Variants in CD164 observed in about 807,000 individuals in gnomAD.
The protein encoded by CD164 is CD164 molecule, also known as sialomucin core protein 24.
In CD164, 11 loss-of-function variants were observed where a neutral mutation model predicts 24.6. That is an observed-to-expected ratio of 0.45 (90% CI 0.28 to 0.74). CD164 has a LOEUF of 0.74. CD164 is among the 30% of genes least tolerant of loss of function. The pLI is 0.13. For synonymous variants in CD164, 126 were observed against 100.3 expected, an observed-to-expected ratio of 1.26 and a Z score of -1.53; for missense variants, 295 against 243.7, an observed-to-expected ratio of 1.21 and a Z score of -1.40.
At chr6:109,370,043 G>A (rs553827695) in intron 5 of CD164, among the ~76,000 whole-genome samples, 4 of 152,236 alleles carry the variant, frequency 2.6e-5, no homozygotes, top group Admixed American at 2.0e-4. Flanking sequence ...TGAAAAGGAC[G>A]GATATATTAT....
chr6:109,370,383 C>T (rs1771010227), intron 5 of CD164, 28 bp downstream of exon 5: 7 of 1,561,864 alleles, frequency 4.5e-6, no homozygotes, highest in Non-Finnish European at 4.4e-6. Flanking sequence ...CATCCTGCAT[C>T]ATTGCTAATC....
At chr6:109,370,335 A>T in intron 5 of CD164, 76 bp downstream of exon 5, 1 of 1,207,162 alleles carries the variant, frequency 8.3e-7, no homozygotes, top group Non-Finnish European at 1.2e-6. Context: ...AAAGCTGGAA[A>T]ATGATGGCAG....
chr6:109,368,878 A>G lies in CD164; in HGVS notation c.567T>C (p.Ser189=). 6.2e-7 allele frequency: 1 copy of G among 1,613,176 alleles called. No individual in the cohort carries two copies. ...VIFFLYKFCK[S]KERNYHTL is the part of the protein sequence containing the mutation. ...ACAGAGTGTGGTAATTTCGTTCTTTAGATTTGCAGAATTTATAAAGAAAGA... is the reference window on the plus strand; with the variant it reads ...ACAGAGTGTGGTAATTTCGTTCTTTGGATTTGCAGAATTTATAAAGAAAGA... The change falls in exon 6 of 6, where the codon TCT becomes TCC. Residue 189 remains serine, a synonymous_variant. Coordinates refer to ENST00000310786, the MANE Select transcript of CD164 (RefSeq NM_006016.6).
chr6:109,371,981 A>G (rs996423089), intron 4 of CD164: 1 of 152,236 alleles, frequency 6.6e-6, no homozygotes, highest in Admixed American at 6.5e-5. Context: ...GTACTATTTC[A>G]GAAAAAAGGG....
intron 3 of CD164, among the ~76,000 whole-genome samples, chr6:109,377,221 A>G (rs768213459): frequency 2.6e-5 from 4 of 152,268 alleles, no homozygotes; most frequent in African/African-American, 9.6e-5. Flanking sequence ...GTTCAGTTAC[A>G]AAATTCACAT....
intron 4 of CD164, among the ~76,000 whole-genome samples, chr6:109,375,082 T>A (rs1771317690): frequency 6.6e-6 from 1 of 152,234 alleles, no homozygotes; most frequent in African/African-American, 2.4e-5. Context: ...TTCTTATCCA[T>A]GCTGTTGAGG....
In CD164 at chr6:109,368,592, A is replaced by G; in HGVS notation, c.*259T>C. ...ATATTTGGCATGTTAAGGAAAAAAA[A>G]TATAATCCCACAGCAGCAGCTATTT... is the stretch of plus-strand genomic sequence containing the variant. On this transcript the variant is annotated 3_prime_UTR_variant, in exon 6 of 6. Transcript: ENST00000310786. 1 of 1,346,766 alleles carries G rather than the reference A, an allele frequency of 7.4e-7. No homozygotes were observed. The allele number at this position is 1,346,766 out of a possible 1,614,324, so 83.4% of individuals were successfully genotyped here.
intron 3 of CD164, among the ~76,000 whole-genome samples, chr6:109,377,675 A>T (rs1771490366): frequency 1.3e-5 from 2 of 151,918 alleles, no homozygotes; most frequent in Admixed American, 6.6e-5. Flanking sequence ...GGGGGCAGAC[A>T]ACGCATCCAC....
intron 3 of CD164, among the ~76,000 whole-genome samples, chr6:109,377,593 C>G (rs1771482106): frequency 6.6e-6 from 1 of 151,192 alleles, no homozygotes; most frequent in Non-Finnish European, 1.5e-5. Context: ...TTTCCCAGAC[C>G]TGCAAGATGC....
intron 4 of CD164, 197 bp downstream of exon 4, chr6:109,375,877 G>T (rs180799979): frequency 3.9e-6 from 2 of 515,826 alleles, no homozygotes; most frequent in South Asian, 2.9e-5. Flanking sequence ...CACATTCACC[G>T]ACTATAAAAC....
Position 109,366,572 on chromosome 6 carries a change from T to C in CD164, c.*2279A>G, listed in dbSNP as rs192808712. On this transcript the variant is annotated 3_prime_UTR_variant, in exon 6 of 6. Transcript: ENST00000310786. Reference sequence around the variant, plus strand: ...CAGTTTGGTACATGATACAGATTGGTTTTGCAGTTTTTAATGAACTGAAAT... The same window carrying C: ...CAGTTTGGTACATGATACAGATTGGCTTTGCAGTTTTTAATGAACTGAAAT... 6.5e-6 allele frequency: 1 copy of C among 152,696 alleles called. No homozygotes were observed. Among genetic ancestry groups the C allele is most frequent in the Non-Finnish European group, 1.5e-5 (1 of 68,018 alleles). 9.5% of individuals were successfully genotyped at this position (152,696 alleles called of 1,614,324 possible). A position where few individuals can be genotyped will look rare whatever the true frequency, so the allele number is the denominator to read the frequency against.
At chr6:109,378,889 A>T in intron 2 of CD164, among the ~76,000 whole-genome samples, 1 of 66,840 alleles carries the variant, frequency 1.5e-5, no homozygotes, top group East Asian at 5.3e-4. Flanking sequence ...GTTTTTACTT[A>T]AAAAAAAAAC....
rs866904774 is a variant in CD164 at position 109,382,347 on chromosome 6, G to A, written c.32C>T (p.Ala11Val). The stretch of plus-strand genomic sequence containing the variant: ...GCAGAGCACGCCCAGGCAGGTGGCG[G>A]CCCAAAGCAGTGAGCGGGAGAGCCG... Reference protein sequence around the residue: MSRLSRSLLWAATCLGVLCVL... With the variant: MSRLSRSLLWVATCLGVLCVL... Residue 11 changes from alanine to valine, a missense_variant, in exon 1 of 6, where the codon GCC becomes GTC. Ala to Val is a moderately conservative substitution (Grantham distance 64). Coordinates refer to ENST00000310786, the MANE Select transcript of CD164 (RefSeq NM_006016.6). The A allele has an allele frequency of 1.9e-6, 3 of 1,560,492 alleles. No individual in the cohort carries two copies. Among genetic ancestry groups the A allele is most frequent in the Admixed American group, 1.9e-5 (1 of 53,224 alleles).
intron 4 of CD164, among the ~76,000 whole-genome samples, chr6:109,373,977 G>A (rs1013762539): frequency 2.6e-5 from 4 of 152,192 alleles, no homozygotes; most frequent in African/African-American, 7.2e-5. Flanking sequence ...AGTGTTTCAA[G>A]ATGAGTTGTC....
rs546522517 is a variant in CD164 at position 109,370,271 on chromosome 6, T to G, written c.427+140A>C. ...ATTATTGTGTTAACAAAGCACTACC[T>G]TGATCCCCCCTAAGAGTAAGAGAAG... On this transcript the variant is annotated intron_variant, in intron 5 of 5. Coordinates refer to ENST00000310786, the MANE Select transcript of CD164 (RefSeq NM_006016.6). 6.0e-6 allele frequency: 4 copies of G among 667,438 alleles called. No individual in the cohort carries two copies. The South Asian group carries it at 7.3e-5, about 12-fold the overall frequency. The allele number at this position is 667,438 out of a possible 1,614,324, so 41.3% of individuals were successfully genotyped here. A position where few individuals can be genotyped will look rare whatever the true frequency, so the allele number is the denominator to read the frequency against.
intron 4 of CD164, chr6:109,372,258 A>AG (rs1771121981): frequency 6.6e-6 from 1 of 152,234 alleles, no homozygotes; most frequent in South Asian, 2.1e-4. Context: ...ATACACTAAA[A>AG]GAGCAGGGCT....
At chr6:109,381,353 C>A in intron 1 of CD164, 1 of 606,522 alleles carries the variant, frequency 1.6e-6, no homozygotes, top group Non-Finnish European at 2.9e-6. Context: ...GGCACAAACC[C>A]CCGTTCCACG....
chr6:109,377,754 T>C lies in CD164; in HGVS notation c.331+146A>G. On this transcript the variant is annotated intron_variant, in intron 3 of 5. Transcript: ENST00000310786. ...CAAATATCATCCTTTAATCAATCAA[T>C]ATGAATATACTATTCATATTCCAAT... 8.0e-6 allele frequency: 5 copies of C among 622,392 alleles called. No homozygotes were observed. In the South Asian group the frequency reaches 9.7e-5, roughly 12 times the overall value. The allele number at this position is 622,392 out of a possible 1,614,324, so 38.6% of individuals were successfully genotyped here.
intron 3 of CD164, 137 bp downstream of exon 3, chr6:109,377,763 A>C: frequency 1.5e-6 from 1 of 678,308 alleles, no homozygotes; most frequent in Non-Finnish European, 2.7e-6. Context: ...ATATGAATAT[A>C]CTATTCATAT....
Sources: gnomAD v4.1 joint callset for allele counts (sites outside exome capture counted in the v4.1 genomes callset) on GRCh38, gnomAD v4.1.1 for gene constraint, MANE v1.5 for transcripts, NCBI Gene and HGNC (gene_info 2026-07-23, HGNC 2026-07-21) for gene names.